The following TNRC18 variants were observed in gnomAD, a reference collection of about 807,000 sequenced individuals.
TNRC18 encodes trinucleotide repeat containing 18, also known as trinucleotide repeat-containing gene 18 protein.
In TNRC18, 69 loss-of-function variants were observed where a neutral mutation model predicts 226.7. The observed-to-expected ratio is 0.30, with a 90% confidence interval of 0.25 to 0.37. The LOEUF is 0.37. TNRC18 is among the 10% of genes least tolerant of loss of function. The pLI, the probability that TNRC18 is intolerant of heterozygous loss-of-function variation, is 1.00. For synonymous variants in TNRC18, 2,449 were observed against 1,927.6 expected (o/e 1.27, Z -7.09); for missense variants, 4,754 against 4,256.6 (o/e 1.12, Z -3.25).
At chr7:5,338,472 G>A (rs1179022836) in intron 18 of TNRC18, among the ~76,000 whole-genome samples, 5 of 152,036 alleles carry the variant, frequency 3.3e-5, no homozygotes, top group South Asian at 4.2e-4. Flanking sequence ...GGGGCCAGGC[G>A]TCGTGGCTCA....
At position 5,377,714 on chromosome 7, in the gene TNRC18, C is replaced by T. The variant is rs191595043; in HGVS notation, c.2256-138G>A. The T allele has an allele frequency of 1.0e-3, 1,114 of 1,097,160 alleles. 1 individual carries two copies. The highest frequency in any genetic ancestry group is 1.3e-3 in the Non-Finnish European group (964 of 766,896). The allele number at this position is 1,097,160 out of a possible 1,614,324, so 68.0% of individuals were successfully genotyped here. ...CACTGCTCGGAACTGAAGGGCCTCC[C>T]GGGGCCTTCCACACTCACTGTAGGG... On this transcript the variant is annotated intron_variant, in intron 6 of 29. Transcript: ENST00000430969. The surrounding 1 kb of genome is among the most constrained non-coding windows in gnomAD (Gnocchi z 5.8).
chr7:5,390,649 G>T, intron 3 of TNRC18, 21 bp from the exon 4 acceptor site: 1 of 1,511,408 alleles, frequency 6.6e-7, no homozygotes, highest in Non-Finnish European at 8.8e-7. Context: ...AAAGAGAAAA[G>T]CTGGGCTGGG....
chr7:5,332,534 G>A (rs952222040), intron 19 of TNRC18, 88 bp downstream of exon 19: 9 of 1,395,876 alleles, frequency 6.4e-6, no homozygotes, highest in African/African-American at 4.6e-5. Flanking sequence ...CAGTGAAGCC[G>A]CTTCCCTAGG....
At chr7:5,349,401 A>C (rs1435988284) in intron 17 of TNRC18, among the ~76,000 whole-genome samples, 1 of 152,192 alleles carries the variant, frequency 6.6e-6, no homozygotes. Context: ...AACCCAAGGA[A>C]ATGCAGAAAA....
chr7:5,334,822 C>T (rs569651378), intron 18 of TNRC18, among the ~76,000 whole-genome samples: 18 of 152,106 alleles, frequency 1.2e-4, no homozygotes, highest in African/African-American at 2.4e-4. Flanking sequence ...AGGAGGCTCA[C>T]GTGGAAGGCA....
Position 5,324,115 on chromosome 7 carries a change from C to A in TNRC18, c.6442+99G>T. ...TGCTCCTGTGGTTCCCTGCCCCCAG[C>A]TAGCCCAGCCCTTCAGTCTCAAGCC... On this transcript the variant is annotated intron_variant, in intron 21 of 29. Transcript: ENST00000430969. This position sits in a 1 kb window ranked among gnomAD's most constrained non-coding sequence, Gnocchi z 4.8. 5 of 1,356,852 alleles carry A rather than the reference C, an allele frequency of 3.7e-6. No homozygotes were observed. Among genetic ancestry groups the A allele is most frequent in the Non-Finnish European group, 4.9e-6 (5 of 1,011,004 alleles). The allele number at this position is 1,356,852 out of a possible 1,614,324, so 84.1% of individuals were successfully genotyped here.
At chr7:5,362,201 G>A (rs576295947) in intron 12 of TNRC18, among the ~76,000 whole-genome samples, 168 bp from the exon 13 acceptor site, 1 of 152,180 alleles carries the variant, frequency 6.6e-6, no homozygotes, top group Non-Finnish European at 1.5e-5. Context: ...TCGTATGCAA[G>A]GGACCCTGTG....
At chr7:5,310,951 T>C (rs922651605) in intron 27 of TNRC18, among the ~76,000 whole-genome samples, 53 of 149,498 alleles carry the variant, frequency 3.5e-4, no homozygotes, top group African/African-American at 1.2e-3. Flanking sequence ...CACGTGTTTG[T>C]GTGTGTGCAC....
intron 11 of TNRC18, among the ~76,000 whole-genome samples, chr7:5,367,776 C>T (rs575271719): frequency 2.0e-5 from 3 of 151,614 alleles, no homozygotes; most frequent in African/African-American, 7.3e-5. Flanking sequence ...AAAAAAGTTT[C>T]TATTGAACTA....
At chr7:5,375,746 A>G (rs1424621716) in intron 9 of TNRC18, among the ~76,000 whole-genome samples, 1 of 152,056 alleles carries the variant, frequency 6.6e-6, no homozygotes, top group Non-Finnish European at 1.5e-5. Context: ...ACCCTTCCCC[A>G]GTCCCCAAGG....
rs563923834 is a variant in TNRC18 at position 5,379,887 on chromosome 7, T to C, written c.2153-1863A>G. On this transcript the variant is annotated intron_variant, in intron 5 of 29. Transcript: ENST00000430969. ...GAGGGGTGGGCTGGGAGCTAGGTCCTCCTACGCAGCGCTACTGTGGGCAGA... is the reference window on the plus strand; with the variant it reads ...GAGGGGTGGGCTGGGAGCTAGGTCCCCCTACGCAGCGCTACTGTGGGCAGA... Among the ~76,000 whole-genome samples the C allele has an allele frequency of 5.9e-5, 9 of 152,270 alleles. No homozygotes were observed. In the East Asian group the frequency reaches 1.7e-3, roughly 29 times the overall value.
At chr7:5,329,925 C>G (rs1789339729) in intron 19 of TNRC18, 1 of 471,046 alleles carries the variant, frequency 2.1e-6, no homozygotes, top group Non-Finnish European at 4.4e-6. Flanking sequence ...AGCTATAATA[C>G]CAGAGGCTCA....
chr7:5,360,887 G>A (rs1792964031), intron 14 of TNRC18, among the ~76,000 whole-genome samples: 1 of 152,040 alleles, frequency 6.6e-6, no homozygotes, highest in South Asian at 2.1e-4. Context: ...GTCCCCCCAC[G>A]CTCCTTCTGC....
intron 19 of TNRC18, among the ~76,000 whole-genome samples, chr7:5,331,298 G>A (rs1789497274): frequency 6.6e-6 from 1 of 152,146 alleles, no homozygotes; most frequent in Non-Finnish European, 1.5e-5. Flanking sequence ...GGAAGCAACT[G>A]GCCCTCAGCT....
At chr7:5,361,499 G>T in intron 14 of TNRC18, 95 bp downstream of exon 14, 1 of 1,379,228 alleles carries the variant, frequency 7.3e-7, no homozygotes, top group Non-Finnish European at 9.5e-7. Context: ...GGGACGCGAG[G>T]TCCCCCAGCA....
chr7:5,345,761 GTCCTCCTCCTCGAGC>G lies in TNRC18; in HGVS notation c.5505_5519del (p.Glu1835_Glu1839del), dbSNP rs749708916. On this transcript the variant is annotated inframe_deletion, in exon 18 of 30. Transcript: ENST00000430969. ...GCCTGTAGCCACCACCGCTGGCCTC[GTCCTCCTCCTCGAGC>G]TCCTCCTCCTCGTCCTCCTCCTCCG... 25 of 1,547,264 alleles carry G rather than the reference GTCCTCCTCCTCGAGC, an allele frequency of 1.6e-5. No homozygotes were observed. The East Asian group carries it at 3.4e-4, about 21-fold the overall frequency.
At chr7:5,367,615 A>G (rs1179788019) in intron 11 of TNRC18, among the ~76,000 whole-genome samples, 1 of 151,392 alleles carries the variant, frequency 6.6e-6, no homozygotes, top group Non-Finnish European at 1.5e-5. Context: ...TTTAGTAGAG[A>G]TGGGGTTTCA....
chr7:5,332,915 C>G lies in TNRC18; in HGVS notation c.5854G>C (p.Gly1952Arg), dbSNP rs754285693. ...TTGTCTGGGCTGCTGGGGTCGGGAC[C>G]GCGGGCGCCAGGCGTGGGTGCGGCC... ...SLAAPTPGAR[G>R]PDPSSPDKAK... Residue 1952 changes from glycine to arginine, a missense_variant, in exon 19 of 30, where the codon GGT (glycine) becomes CGT (arginine). Physicochemically the swap from Gly to Arg is moderately radical, Grantham distance 125. Coordinates refer to ENST00000430969, the MANE Select transcript of TNRC18 (RefSeq NM_001080495.3). 3 of 1,539,312 alleles carry G rather than the reference C, an allele frequency of 1.9e-6. No individual in the cohort carries two copies. The highest frequency in any genetic ancestry group is 2.0e-5 in the Admixed American group (1 of 51,094).
Position 5,388,812 on chromosome 7 carries a change from G to A in TNRC18, c.1012C>T (p.Pro338Ser), listed in dbSNP as rs1350227785. 2 of 1,186,628 alleles carry A rather than the reference G, an allele frequency of 1.7e-6. No individual in the cohort carries two copies. The highest frequency in any genetic ancestry group is 2.1e-6 in the Non-Finnish European group (2 of 958,394). The allele number at this position is 1,186,628 out of a possible 1,614,324, so 73.5% of individuals were successfully genotyped here. A position where few individuals can be genotyped will look rare whatever the true frequency, so the allele number is the denominator to read the frequency against. Residue 338 changes from proline (P) to serine (S), a missense_variant, in exon 5 of 30, where the codon CCG becomes TCG. By Grantham distance (74) the Pro-to-Ser change is moderately conservative. Transcript: ENST00000430969. ...PRPCPSPLPP[P>S]PAPPKGPPAP... The stretch of plus-strand genomic sequence containing the variant: ...GGAGGCCCCTTGGGGGGCGCGGGCG[G>A]CGGGGGCAGCGGTGAGGGGCAGGGG...
Sources: gnomAD v4.1 joint callset for allele counts (sites outside exome capture counted in the v4.1 genomes callset) on GRCh38, gnomAD v4.1.1 for gene constraint, Gnocchi (gnomAD v3.1) non-coding constraint, MANE v1.5 for transcripts, NCBI Gene and HGNC (gene_info 2026-07-23, HGNC 2026-07-21) for gene names.